Variants in ZNF609 observed in about 807,000 individuals in gnomAD.
ZNF609 encodes zinc finger protein 609.
In ZNF609, 11 loss-of-function variants were observed where a neutral mutation model predicts 109.5. The ratio of observed to expected loss-of-function variants is 0.10; its 90% CI spans 0.06 to 0.17. The LOEUF (loss-of-function observed/expected upper bound fraction) is 0.17, where lower values mean the gene tolerates loss of function less well. ZNF609 is among the 10% of genes least tolerant of loss of function. The probability of loss-of-function intolerance (pLI) is 1.00; values close to 1 mark genes in which losing one functional copy is unlikely to be tolerated. For synonymous variants in ZNF609, 646 were observed against 662.0 expected, an observed-to-expected ratio of 0.98 and a Z score of 0.37; for missense variants, 1,559 against 1,772.4, an observed-to-expected ratio of 0.88 and a Z score of 2.16.
chr15:64,521,001 C>T (rs1323089323), intron 2 of ZNF609, among the ~76,000 whole-genome samples: 1 of 152,170 alleles, frequency 6.6e-6, no homozygotes, highest in Non-Finnish European at 1.5e-5. Context: ...TTCGCTTTTA[C>T]TTTTAATTTA....
In ZNF609 at chr15:64,577,201, ATACATATATATG is replaced by A. The variant is rs1218299361; in HGVS notation, c.748-45623_748-45612del. Among the ~76,000 whole-genome samples, 29 of 82,674 alleles carry A rather than the reference ATACATATATATG, an allele frequency of 3.5e-4. 1 individual carries two copies. Among genetic ancestry groups the A allele is most frequent in the African/African-American group, 1.2e-3 (29 of 24,740 alleles). The allele number at this position is 82,674 out of a possible 152,430, so 54.2% of individuals were successfully genotyped here. ...CATATATGTGTATATATACACACAA[ATACATATATATG>A]TATATATATACACACAAATACATAC... On this transcript the variant is annotated intron_variant, in intron 2 of 9. Coordinates refer to ENST00000326648, the MANE Select transcript of ZNF609 (RefSeq NM_015042.2).
chr15:64,530,473 A>G (rs1894043511), intron 2 of ZNF609, among the ~76,000 whole-genome samples: 1 of 152,228 alleles, frequency 6.6e-6, no homozygotes, highest in Non-Finnish European at 1.5e-5. Flanking sequence ...CGGCTACAAT[A>G]TATTGAACAT....
At chr15:64,529,693 C>T (rs2140370739) in intron 2 of ZNF609, 2 of 701,238 alleles carry the variant, frequency 2.9e-6, no homozygotes, top group East Asian at 5.6e-5. Context: ...GATGCAGCTG[C>T]CAATGCGAGA....
rs752936551 is a variant in ZNF609, at chr15:64,682,249, T to G, written c.*563T>G. On this transcript the variant is annotated 3_prime_UTR_variant, in exon 10 of 10. Coordinates refer to ENST00000326648, the MANE Select transcript of ZNF609 (RefSeq NM_015042.2). ...TCAGGAAAGAAATTGGGGGTTGTTT[T>G]CTACATAATTGTGAAAACAAGGTCT... The G allele has an allele frequency of 6.6e-6, 1 of 152,652 alleles. No homozygotes were observed. The highest frequency in any genetic ancestry group is 1.5e-5 in the Non-Finnish European group (1 of 68,058). 9.5% of individuals were successfully genotyped at this position (152,652 alleles called of 1,614,324 possible).
At chr15:64,637,960 T>A (rs1392200151) in intron 3 of ZNF609, among the ~76,000 whole-genome samples, 1 of 144,870 alleles carries the variant, frequency 6.9e-6, no homozygotes, top group Non-Finnish European at 1.5e-5. Context: ...CCCAAGATAA[T>A]ATATTCTTCT....
In ZNF609 at chr15:64,674,964, A is replaced by C; in HGVS notation, c.2110A>C (p.Ile704Leu). The C allele has an allele frequency of 6.2e-7, 1 of 1,614,124 alleles. No individual in the cohort carries two copies. The highest frequency in any genetic ancestry group is 8.5e-7 in the Non-Finnish European group (1 of 1,180,038). ...AMPNSPQLKP[I>L]QPKPTVMGEP... ...GCCCAACAGTCCCCAACTCAAGCCCATTCAGCCCAAGCCCACTGTTATGGG... is the reference window on the plus strand; with the variant it reads ...GCCCAACAGTCCCCAACTCAAGCCCCTTCAGCCCAAGCCCACTGTTATGGG... Residue 704 changes from isoleucine (I) to leucine (L), a missense_variant, in exon 5 of 10, where the codon ATT becomes CTT. Physicochemically the swap from Ile to Leu is conservative, Grantham distance 5 (BLOSUM62 2). Around this residue, in one of 4 missense-constraint regions of ZNF609, gnomAD observed 1,204 missense variants for 1,314.1 expected, o/e 0.92. Coordinates refer to ENST00000326648, the MANE Select transcript of ZNF609 (RefSeq NM_015042.2).
At chr15:64,676,759 A>G (rs1896815877) in intron 5 of ZNF609, among the ~76,000 whole-genome samples, 4 of 147,100 alleles carry the variant, frequency 2.7e-5, no homozygotes, top group Admixed American at 2.0e-4. Context: ...TTATTTATTT[A>G]TTTATTTATT....
At chr15:64,634,433 G>A (rs977075409) in intron 3 of ZNF609, among the ~76,000 whole-genome samples, 1 of 152,142 alleles carries the variant, frequency 6.6e-6, no homozygotes, top group Non-Finnish European at 1.5e-5. Flanking sequence ...TCACTAAAGG[G>A]AAGGGGCTCT....
chr15:64,489,775 G>C (rs148759292), intron 1 of ZNF609, among the ~76,000 whole-genome samples: 92 of 152,004 alleles, frequency 6.1e-4, no homozygotes, highest in Middle Eastern at 3.4e-3. Context: ...TGATCTGCCC[G>C]CCTCGGCCTC....
intron 1 of ZNF609, among the ~76,000 whole-genome samples, chr15:64,491,730 A>C (rs1893416009): frequency 6.6e-6 from 1 of 152,056 alleles, no homozygotes; most frequent in African/African-American, 2.4e-5. Context: ...CTCCAATCCC[A>C]GCTACTCGGG....
At chr15:64,608,030 C>T (rs1393274703) in intron 2 of ZNF609, among the ~76,000 whole-genome samples, 1 of 150,194 alleles carries the variant, frequency 6.7e-6, no homozygotes, top group Admixed American at 6.7e-5. Context: ...TCCTGAGTAG[C>T]TGGGATTACA....
chr15:64,466,535 G>T (rs1893018069), intron 1 of ZNF609, among the ~76,000 whole-genome samples: 1 of 152,222 alleles, frequency 6.6e-6, no homozygotes, highest in South Asian at 2.1e-4. Context: ...TTGAGGGAAA[G>T]TGAGGCCAGA....
chr15:64,542,495 T>C (rs139254946), intron 2 of ZNF609, among the ~76,000 whole-genome samples: 2 of 152,348 alleles, frequency 1.3e-5, no homozygotes, highest in East Asian at 3.9e-4. Context: ...GATTTAAATA[T>C]TGTCACCTTT....
intron 2 of ZNF609, among the ~76,000 whole-genome samples, chr15:64,557,373 A>G (rs1011279106): frequency 1.3e-5 from 2 of 152,158 alleles, no homozygotes; most frequent in Non-Finnish European, 1.5e-5. Context: ...CCCACTAAAA[A>G]TTGTGAAACT....
intron 3 of ZNF609, 94 bp downstream of exon 3, chr15:64,623,146 A>G (rs1567032040): frequency 7.7e-7 from 1 of 1,298,922 alleles, no homozygotes; most frequent in Non-Finnish European, 1.1e-6. Flanking sequence ...CCAAGTGGTT[A>G]TTAGAGTCTC....
At position 64,499,817 on chromosome 15, in the gene ZNF609, G is replaced by A. The variant is rs1893535045; in HGVS notation, c.398G>A (p.Gly133Asp). 6.2e-7 allele frequency: 1 copy of A among 1,614,016 alleles called. No homozygotes were observed. The highest frequency in any genetic ancestry group is 1.3e-5 in the African/African-American group (1 of 74,920). The part of the protein sequence containing the change: ...GRSGDGANAG[G>D]LVAAIAPKGS... The stretch of plus-strand genomic sequence containing the variant: ...TCAGGAGATGGTGCCAATGCTGGAG[G>A]CCTGGTTGCTGCTATTGCTCCCAAG... The change falls in exon 2 of 10, where the codon GGC becomes GAC. Residue 133 changes from glycine (G) to aspartate (D), a missense_variant. This residue lies in a region of ZNF609 where 291 missense variants were observed against 317.8 expected (regional missense o/e 0.92). Transcript: ENST00000326648.
At position 64,674,462 on chromosome 15, in the gene ZNF609, A is replaced by C; in HGVS notation, c.1608A>C (p.Gly536=). 6.2e-7 allele frequency: 1 copy of C among 1,614,188 alleles called. No homozygotes were observed. The highest frequency in any genetic ancestry group is 8.5e-7 in the Non-Finnish European group (1 of 1,180,046). Reference sequence around the variant, plus strand: ...AAGCGGATGGGGACAGTGAGTACGGAGAGGAACCTATTCTCCATGCAGATC... The same window carrying C: ...AAGCGGATGGGGACAGTGAGTACGGCGAGGAACCTATTCTCCATGCAGATC... ...KPEADGDSEY[G]EEPILHADLG... is the part of the protein sequence containing the mutation. The change falls in exon 5 of 10, where the codon GGA becomes GGC. Residue 536 remains glycine (G), a synonymous_variant. Transcript: ENST00000326648.
chr15:64,540,665 A>C (rs866231060), intron 2 of ZNF609, among the ~76,000 whole-genome samples: 1 of 151,390 alleles, frequency 6.6e-6, no homozygotes, highest in Non-Finnish European at 1.5e-5. Context: ...CGGCCTGCCA[A>C]AGTGCTGGGA....
At chr15:64,607,839 CT>C (rs1266221223) in intron 2 of ZNF609, among the ~76,000 whole-genome samples, 819 of 25,224 alleles carry the variant, frequency 0.032, 151 homozygotes, top group Non-Finnish European at 0.072. Flanking sequence ...TTCTTTCTTT[CT>C]TTCTTTCTTT....
Sources: gnomAD v4.1 joint callset for allele counts (sites outside exome capture counted in the v4.1 genomes callset) on GRCh38, gnomAD v4.1.1 for gene constraint, gnomAD v4.1.1 regional missense constraint, MANE v1.5 for transcripts, NCBI Gene and HGNC (gene_info 2026-07-23, HGNC 2026-07-21) for gene names.